Variants in EPHB3 observed in about 807,000 individuals in gnomAD.
EPHB3 encodes ephrin type-B receptor 3.
Under a neutral mutation model 100.2 loss-of-function variants are expected in EPHB3, and 33 were observed. The ratio of observed to expected loss-of-function variants is 0.33; its 90% CI spans 0.25 to 0.44. The LOEUF (loss-of-function observed/expected upper bound fraction) is 0.44, where lower values mean the gene tolerates loss of function less well. Among genes scored for constraint, EPHB3 ranks in the 20% least tolerant of loss-of-function variants. The pLI is 1.00. For missense variants in EPHB3, 1,045 were observed against 1,378.3 expected, an observed-to-expected ratio of 0.76 and a Z score of 3.83; for synonymous variants, 526 against 554.7, an observed-to-expected ratio of 0.95 and a Z score of 0.73.
intron 1 of EPHB3, among the ~76,000 whole-genome samples, chr3:184,570,310 G>A (rs1425295331): frequency 6.6e-6 from 1 of 152,244 alleles, no homozygotes; most frequent in Non-Finnish European, 1.5e-5. Flanking sequence ...CAGAGTGCAA[G>A]GGATTAATTA....
rs1323672066 is a variant in EPHB3 at position 184,578,787 on chromosome 3, G to A, written c.1801+321G>A. Among the ~76,000 whole-genome samples, 2 of 152,354 alleles carry A rather than the reference G, an allele frequency of 1.3e-5. No individual in the cohort carries two copies. The highest frequency in any genetic ancestry group is 1.9e-4 in the East Asian group (1 of 5,182). On this transcript the variant is annotated intron_variant, in intron 9 of 15. Coordinates refer to ENST00000330394, the MANE Select transcript of EPHB3 (RefSeq NM_004443.4). This position sits in a 1 kb window ranked among gnomAD's most constrained non-coding sequence, Gnocchi z 4.7. ...GAGCTGGGTGCTCCTGTTGTAAAGG[G>A]CACTAAGAGTTTAGAGAAGAGGAAG...
In EPHB3 at chr3:184,569,734, G is replaced by A. The variant is rs1326776916; in HGVS notation, c.119-1584G>A. Among the ~76,000 whole-genome samples, 1 of 152,236 alleles carries A rather than the reference G, an allele frequency of 6.6e-6. No individual in the cohort carries two copies. Among genetic ancestry groups the A allele is most frequent in the African/African-American group, 2.4e-5 (1 of 41,464 alleles). ...GGTCACAGCTGCCTTGTCCACCCAC[G>A]GGGTCCTCCGCCGTCCTCGGCTCAG... On this transcript the variant is annotated intron_variant, in intron 1 of 15. Coordinates refer to ENST00000330394, the MANE Select transcript of EPHB3 (RefSeq NM_004443.4). This position sits in a 1 kb window ranked among gnomAD's most constrained non-coding sequence, Gnocchi z 5.4.
In EPHB3 at chr3:184,579,684, C is replaced by T; in HGVS notation, c.1925-3C>T. 1 of 1,610,418 alleles carries T rather than the reference C, an allele frequency of 6.2e-7. No homozygotes were observed. The highest frequency in any genetic ancestry group is 8.5e-7 in the Non-Finnish European group (1 of 1,177,658). On this transcript the variant is annotated splice_region_variant and splice_polypyrimidine_tract_variant and intron_variant, in intron 10 of 15. Transcript: ENST00000330394. This position sits in a 1 kb window ranked among gnomAD's most constrained non-coding sequence, Gnocchi z 5.2. ...GTCATAGCTTGTGCCCTGTGCCCTG[C>T]AGGGGAATTTGGGGAAGTGTGCCGT...
At chr3:184,575,078 G>A in intron 3 of EPHB3, 3 of 925,170 alleles carry the variant, frequency 3.2e-6, no homozygotes, top group African/African-American at 1.8e-5. Flanking sequence ...AAATGTTCCA[G>A]TGTGAAGAAT....
At position 184,582,394 on chromosome 3, in the gene EPHB3, A is replaced by G. The variant is rs1366554523; in HGVS notation, c.*772A>G. 1 of 152,214 alleles carries G rather than the reference A, an allele frequency of 6.6e-6. No homozygotes were observed. The highest frequency in any genetic ancestry group is 2.4e-5 in the African/African-American group (1 of 41,438). 9.4% of individuals were successfully genotyped at this position (152,214 alleles called of 1,614,324 possible). ...GGCCAGCTGGGCCGACAGCAGAATAAAGGCAATAAGATGATTCTCTTGCCC... is the reference window on the plus strand; with the variant it reads ...GGCCAGCTGGGCCGACAGCAGAATAGAGGCAATAAGATGATTCTCTTGCCC... On this transcript the variant is annotated 3_prime_UTR_variant, in exon 16 of 16. Coordinates refer to ENST00000330394, the MANE Select transcript of EPHB3 (RefSeq NM_004443.4).
chr3:184,576,405 C>T (rs1203490122), intron 4 of EPHB3, among the ~76,000 whole-genome samples: 4 of 152,226 alleles, frequency 2.6e-5, no homozygotes, highest in Admixed American at 2.6e-4. Flanking sequence ...TGGCCTGGTG[C>T]TCCACTTCCT....
In EPHB3 at chr3:184,579,614, G is replaced by GC; in HGVS notation, c.1924+16dup. On this transcript the variant is annotated intron_variant, in intron 10 of 15. Transcript: ENST00000330394. The surrounding 1 kb of genome is among the most constrained non-coding windows in gnomAD (Gnocchi z 5.2). Reference sequence around the variant, plus strand: ...GATCGGAGCTGGTGAGTCTCCCGGGGCACAGTAGAGATGAGAAGCTGAGGC... The same window carrying GC: ...GATCGGAGCTGGTGAGTCTCCCGGGGCCACAGTAGAGATGAGAAGCTGAGGC... 1 of 1,613,798 alleles carries GC rather than the reference G, an allele frequency of 6.2e-7. No homozygotes were observed. Among genetic ancestry groups the GC allele is most frequent in the South Asian group, 1.1e-5 (1 of 91,058 alleles).
Position 184,573,557 on chromosome 3 carries a change from A to G in EPHB3, c.856+381A>G, listed in dbSNP as rs796333882. On this transcript the variant is annotated intron_variant, in intron 3 of 15. Transcript: ENST00000330394. This position sits in a 1 kb window ranked among gnomAD's most constrained non-coding sequence, Gnocchi z 4.5. The stretch of plus-strand genomic sequence containing the variant: ...AAAGTGGTAGGTTGGCCCCAGGGCC[A>G]AGGGCACGGGGGCTGTGGGTACCTT... Among the ~76,000 whole-genome samples the G allele has an allele frequency of 2.5e-4, 38 of 152,106 alleles. 1 individual carries two copies. The highest frequency in any genetic ancestry group is 7.5e-4 in the African/African-American group (31 of 41,476).
Position 184,579,315 on chromosome 3 carries a change from G to T in EPHB3, c.1802-162G>T, listed in dbSNP as rs181732166. ...CTAGGAGTAGAATCCTAGGTGTCTAGCCTTTATGGTCACCAGGAGTTCTCA... is the reference window on the plus strand; with the variant it reads ...CTAGGAGTAGAATCCTAGGTGTCTATCCTTTATGGTCACCAGGAGTTCTCA... On this transcript the variant is annotated intron_variant, in intron 9 of 15. Coordinates refer to ENST00000330394, the MANE Select transcript of EPHB3 (RefSeq NM_004443.4). The surrounding 1 kb of genome is among the most constrained non-coding windows in gnomAD (Gnocchi z 5.2). 2.6e-5 allele frequency among the ~76,000 whole-genome samples: 4 copies of T among 152,188 alleles called. No homozygotes were observed. The highest frequency in any genetic ancestry group is 5.9e-5 in the Non-Finnish European group (4 of 68,000).
At position 184,581,768 on chromosome 3, in the gene EPHB3, C is replaced by A; in HGVS notation, c.*146C>A. 1 of 767,662 alleles carries A rather than the reference C, an allele frequency of 1.3e-6. No individual in the cohort carries two copies. Among genetic ancestry groups the A allele is most frequent in the Non-Finnish European group, 2.0e-6 (1 of 489,806 alleles). The allele number at this position is 767,662 out of a possible 1,614,324, so 47.6% of individuals were successfully genotyped here. A position where few individuals can be genotyped will look rare whatever the true frequency, so the allele number is the denominator to read the frequency against. Reference sequence around the variant, plus strand: ...GGAAAGGCCCAAGCTGGGACTTCTCCAGGCCTGTGTTCCCTCCCCAGGAAG... The same window carrying A: ...GGAAAGGCCCAAGCTGGGACTTCTCAAGGCCTGTGTTCCCTCCCCAGGAAG... On this transcript the variant is annotated 3_prime_UTR_variant, in exon 16 of 16. Coordinates refer to ENST00000330394, the MANE Select transcript of EPHB3 (RefSeq NM_004443.4).
At chr3:184,564,533 T>C (rs1401809773) in intron 1 of EPHB3, among the ~76,000 whole-genome samples, 1 of 152,226 alleles carries the variant, frequency 6.6e-6, no homozygotes, top group Non-Finnish European at 1.5e-5. Flanking sequence ...GCATTGTTAT[T>C]CAAGGATTAG....
At position 184,577,094 on chromosome 3, in the gene EPHB3, C is replaced by G. The variant is rs1401207898; in HGVS notation, c.1265C>G (p.Thr422Ser). ...CATCTGCTGGCCCACACGCGCTACA[C>G]CTTTGAGGTGCAGGCGGTCAACGGT... ...ISHLLAHTRY[T>S]FEVQAVNGVS... The change falls in exon 5 of 16, where the codon ACC becomes AGC. Residue 422 changes from threonine (T) to serine (S), a missense_variant. Physicochemically the swap from Thr to Ser is moderately conservative, Grantham distance 58. This residue lies in a region of EPHB3 where 985 missense variants were observed against 1,331.1 expected (regional missense o/e 0.74). Transcript: ENST00000330394. The surrounding 1 kb of genome is among the most constrained non-coding windows in gnomAD (Gnocchi z 4.9). The G allele has an allele frequency of 5.6e-6, 9 of 1,613,448 alleles. No individual in the cohort carries two copies. Among genetic ancestry groups the G allele is most frequent in the South Asian group, 2.2e-5 (2 of 91,082 alleles).
Position 184,580,968 on chromosome 3 carries a change from C to T in EPHB3, c.2539-4C>T, listed in dbSNP as rs1714804804. The T allele has an allele frequency of 6.2e-7, 1 of 1,609,644 alleles. No homozygotes were observed. Among genetic ancestry groups the T allele is most frequent in the Non-Finnish European group, 8.5e-7 (1 of 1,176,640 alleles). ...CACTCAGGGTTTCCCTGCCTTCGGC[C>T]CAGGTCATCAATGCCGTGGAGCAGG... On this transcript the variant is annotated splice_region_variant and splice_polypyrimidine_tract_variant and intron_variant, in intron 13 of 15. Coordinates refer to ENST00000330394, the MANE Select transcript of EPHB3 (RefSeq NM_004443.4).
chr3:184,566,626 G>A lies in EPHB3; in HGVS notation c.118+4273G>A, dbSNP rs557549670. ...GGGAGCCAGCTTGGTGGCTGAGGAA[G>A]GGACTCCGTGAAGAGGAGGAGGGTG... On this transcript the variant is annotated intron_variant, in intron 1 of 15. Transcript: ENST00000330394. Among the ~76,000 whole-genome samples, 273 of 152,274 alleles carry A rather than the reference G, an allele frequency of 1.8e-3. 2 individuals are homozygous for A. The highest frequency in any genetic ancestry group is 7.0e-3 in the South Asian group (34 of 4,830).
intron 1 of EPHB3, among the ~76,000 whole-genome samples, chr3:184,568,086 G>A (rs1714440663): frequency 6.6e-6 from 1 of 152,106 alleles, no homozygotes; most frequent in African/African-American, 2.4e-5. Context: ...GGCGGGGAGT[G>A]AGCCCAGCCC....
At position 184,562,541 on chromosome 3, in the gene EPHB3, C is replaced by T. The variant is rs903577158; in HGVS notation, c.118+188C>T. Reference sequence around the variant, plus strand: ...GCCGCCTCGGAGGCTGGAGCTGGCTCGGAGGCAGGCAGCCCGCGGGTTGGG... The same window carrying T: ...GCCGCCTCGGAGGCTGGAGCTGGCTTGGAGGCAGGCAGCCCGCGGGTTGGG... On this transcript the variant is annotated intron_variant, in intron 1 of 15. Transcript: ENST00000330394. This position sits in a 1 kb window ranked among gnomAD's most constrained non-coding sequence, Gnocchi z 4.8. 6.6e-6 allele frequency among the ~76,000 whole-genome samples: 1 copy of T among 151,986 alleles called. No individual in the cohort carries two copies. The highest frequency in any genetic ancestry group is 2.4e-5 in the African/African-American group (1 of 41,380).
intron 3 of EPHB3, chr3:184,575,305 T>C (rs2108437957): frequency 2.2e-6 from 2 of 918,608 alleles, no homozygotes; most frequent in South Asian, 1.0e-4. Context: ...CCCCCATCCC[T>C]GCCCAAGGGC....
In EPHB3 at chr3:184,578,427, G is replaced by T; in HGVS notation, c.1762G>T (p.Gly588Cys). ...AIVCLRKQRHGSDSEYTEKLQ... is the reference protein window; with the variant it reads ...AIVCLRKQRHCSDSEYTEKLQ... The stretch of plus-strand genomic sequence containing the variant: ...GCCACCCTACAGGAAGCAGCGACAC[G>T]GCTCTGATTCGGAGTACACGGAGAA... The change falls in exon 9 of 16, where the codon GGC becomes TGC. Residue 588 changes from glycine (G) to cysteine (C), a missense_variant. Transcript: ENST00000330394. The surrounding 1 kb of genome is among the most constrained non-coding windows in gnomAD (Gnocchi z 4.7). The T allele has an allele frequency of 6.2e-7, 1 of 1,613,996 alleles. No individual in the cohort carries two copies. Among genetic ancestry groups the T allele is most frequent in the Non-Finnish European group, 8.5e-7 (1 of 1,179,988 alleles).
chr3:184,575,935 A>T lies in EPHB3; in HGVS notation c.962A>T (p.His321Leu). The T allele has an allele frequency of 6.2e-7, 1 of 1,613,944 alleles. No homozygotes were observed. Among genetic ancestry groups the T allele is most frequent in the Non-Finnish European group, 8.5e-7 (1 of 1,179,908 alleles). The change falls in exon 4 of 16, where the codon CAC (histidine) becomes CTC (leucine). Residue 321 changes from histidine to leucine, a missense_variant. Transcript: ENST00000330394. ...TSPAASICTC[H>L]NNFYRADSDS... ...CCAGCCGCCAGCATCTGCACCTGCC[A>T]CAATAACTTCTACCGTGCAGACTCG...
Sources: allele counts gnomAD v4.1 joint callset (sites outside exome capture counted in the v4.1 genomes callset), GRCh38; gene constraint gnomAD v4.1.1; regional missense constraint gnomAD v4.1.1; non-coding constraint Gnocchi (gnomAD v3.1); transcripts MANE v1.5; gene names NCBI Gene and HGNC (gene_info 2026-07-23, HGNC 2026-07-21).